FAM168A: variants seen among roughly 807,000 people sequenced by gnomAD.
FAM168A encodes the protein protein FAM168A.
In FAM168A, 3 loss-of-function variants were observed where a neutral mutation model predicts 28.5. The observed-to-expected ratio is 0.11, with a 90% confidence interval of 0.05 to 0.27. FAM168A has a LOEUF of 0.27. FAM168A is among the 10% of genes least tolerant of loss of function. The pLI is 1.00. For missense variants in FAM168A, 222 were observed against 311.5 expected, an observed-to-expected ratio of 0.71 and a Z score of 2.16; for synonymous variants, 122 against 124.2, an observed-to-expected ratio of 0.98 and a Z score of 0.12.
chr11:73,581,081 G>C (rs1448492310), intron 1 of FAM168A, among the ~76,000 whole-genome samples: 1 of 152,206 alleles, frequency 6.6e-6, no homozygotes, highest in African/African-American at 2.4e-5. Flanking sequence ...GTCAGGGTCA[G>C]CTTATGAAAA....
rs772530179 is a variant in FAM168A, at chr11:73,529,796, C to CTTTTTTTTTTTTTTTT, written c.-18-61320_-18-61305dup. Among the ~76,000 whole-genome samples the CTTTTTTTTTTTTTTTT allele has an allele frequency of 3.5e-4, 45 of 127,530 alleles. 2 individuals carry two copies. The highest frequency in any genetic ancestry group is 1.1e-3 in the African/African-American group (34 of 29,664). 83.7% of individuals were successfully genotyped at this position (127,530 alleles called of 152,430 possible). On this transcript the variant is annotated intron_variant, in intron 1 of 7. Transcript: ENST00000356467. ...TCCTTCATTCAAACAACTTTTTCTT[C>CTTTTTTTTTTTTTTTT]TTTTTTTTTTTTTTTTGGAGACGCA... is the stretch of plus-strand genomic sequence containing the variant.
chr11:73,411,883 T>A (rs79296797), intron 4 of FAM168A, among the ~76,000 whole-genome samples: 2,128 of 152,288 alleles, frequency 0.014, 33 homozygotes, highest in African/African-American at 0.041. Context: ...TGCACAGAGA[T>A]GGAAACCCTC....
chr11:73,405,509 G>C lies in FAM168A; in HGVS notation c.*1254C>G, dbSNP rs190559870. On this transcript the variant is annotated 3_prime_UTR_variant, in exon 8 of 8. Coordinates refer to ENST00000356467, the MANE Select transcript of FAM168A (RefSeq NM_015159.3). ...AATGCTAATTTACTGTAAGGTCTAG[G>C]GAAGTCCTTTCCGCTTCTCTGGGCC... 2 of 152,238 alleles carry C rather than the reference G, an allele frequency of 1.3e-5. No individual in the cohort carries two copies. Among genetic ancestry groups the C allele is most frequent in the Non-Finnish European group, 2.9e-5 (2 of 68,054 alleles). 9.4% of individuals were successfully genotyped at this position (152,238 alleles called of 1,614,324 possible). A position where few individuals can be genotyped will look rare whatever the true frequency, so the allele number is the denominator to read the frequency against.
At chr11:73,542,797 C>T (rs766077882) in intron 1 of FAM168A, among the ~76,000 whole-genome samples, 1 of 152,102 alleles carries the variant, frequency 6.6e-6, no homozygotes, top group Non-Finnish European at 1.5e-5. Flanking sequence ...TAAATTTTAG[C>T]ATCAACATTT....
At chr11:73,566,509 C>G (rs1944021362) in intron 1 of FAM168A, among the ~76,000 whole-genome samples, 1 of 152,156 alleles carries the variant, frequency 6.6e-6, no homozygotes, top group South Asian at 2.1e-4. Flanking sequence ...AATTAAGCAT[C>G]CATTTGTTGA....
At chr11:73,484,809 C>T (rs893768153) in intron 1 of FAM168A, among the ~76,000 whole-genome samples, 1 of 150,794 alleles carries the variant, frequency 6.6e-6, no homozygotes, top group South Asian at 2.1e-4. Context: ...TACAATAGGC[C>T]ATCTGCAAGC....
Position 73,462,747 on chromosome 11 carries a change from G to A in FAM168A, c.70+5658C>T, listed in dbSNP as rs1200094178. Among the ~76,000 whole-genome samples, 8 of 151,904 alleles carry A rather than the reference G, an allele frequency of 5.3e-5. No homozygotes were observed. In the East Asian group the frequency reaches 1.4e-3, roughly 26 times the overall value. ...AAAAAGTAGCCAGGCATAGTGGTAC[G>A]TGCCAGCTAAGAAGGCTGAGGCAGG... is the stretch of plus-strand genomic sequence containing the variant. On this transcript the variant is annotated intron_variant, in intron 2 of 7. Coordinates refer to ENST00000356467, the MANE Select transcript of FAM168A (RefSeq NM_015159.3).
chr11:73,591,254 C>G (rs1368853131), intron 1 of FAM168A, among the ~76,000 whole-genome samples: 1 of 152,076 alleles, frequency 6.6e-6, no homozygotes, highest in African/African-American at 2.4e-5. Context: ...TTTTTAAATA[C>G]GAGCTTTTCT....
At chr11:73,577,818 T>C (rs1329169872) in intron 1 of FAM168A, among the ~76,000 whole-genome samples, 1 of 152,058 alleles carries the variant, frequency 6.6e-6, no homozygotes, top group East Asian at 1.9e-4. Flanking sequence ...TTGCTTATTT[T>C]TGAAGAACAT....
chr11:73,541,606 G>A (rs1451642406), intron 1 of FAM168A, among the ~76,000 whole-genome samples: 5 of 151,964 alleles, frequency 3.3e-5, no homozygotes, highest in Non-Finnish European at 7.4e-5. Flanking sequence ...CTCCTGACTT[G>A]TGATCCGCCC....
At chr11:73,418,975 A>G (rs1418868510) in intron 4 of FAM168A, among the ~76,000 whole-genome samples, 1 of 151,704 alleles carries the variant, frequency 6.6e-6, no homozygotes, top group South Asian at 2.1e-4. Flanking sequence ...TGCCCGGCTA[A>G]TTTTTTTTGT....
chr11:73,553,724 G>A (rs1426095998), intron 1 of FAM168A, among the ~76,000 whole-genome samples: 1 of 152,136 alleles, frequency 6.6e-6, no homozygotes, highest in Non-Finnish European at 1.5e-5. Context: ...GCTCATGTAT[G>A]TAACCCTAGC....
intron 3 of FAM168A, among the ~76,000 whole-genome samples, chr11:73,428,162 G>T (rs1168827902): frequency 6.6e-6 from 1 of 152,098 alleles, no homozygotes; most frequent in African/African-American, 2.4e-5. Flanking sequence ...AACCAAAGAA[G>T]AGAACTGAGC....
intron 4 of FAM168A, among the ~76,000 whole-genome samples, chr11:73,414,980 AAGCTGGATTACC>A (rs1866673085): frequency 1.3e-5 from 2 of 152,206 alleles, no homozygotes; most frequent in Admixed American, 1.3e-4. Context: ...TTCCCTGGGG[AAGCTGGATTACC>A]CACTGTATGC....
At chr11:73,442,847 T>G (rs1867222865) in intron 2 of FAM168A, among the ~76,000 whole-genome samples, 1 of 146,724 alleles carries the variant, frequency 6.8e-6, no homozygotes, top group Non-Finnish European at 1.5e-5. Context: ...TCTTTTTTTT[T>G]TTTTTGAGAC....
At chr11:73,536,237 C>T (rs1262717572) in intron 1 of FAM168A, among the ~76,000 whole-genome samples, 3 of 152,172 alleles carry the variant, frequency 2.0e-5, no homozygotes, top group Non-Finnish European at 4.4e-5. Context: ...AAAGCCCCAA[C>T]ATAAAAGACA....
In FAM168A at chr11:73,511,088, T is replaced by C. The variant is rs190257539; in HGVS notation, c.-18-42596A>G. The stretch of plus-strand genomic sequence containing the variant: ...AAAGGAAAGGTACCAGTCAGGAGCC[T>C]GGAGACACAGACAACGGACAAAGCC... On this transcript the variant is annotated intron_variant, in intron 1 of 7. Transcript: ENST00000356467. 2.6e-4 allele frequency among the ~76,000 whole-genome samples: 39 copies of C among 151,710 alleles called. No homozygotes were observed. The East Asian group carries it at 7.6e-3, about 29-fold the overall frequency.
At chr11:73,459,166 C>T (rs1867594298) in intron 2 of FAM168A, among the ~76,000 whole-genome samples, 1 of 151,992 alleles carries the variant, frequency 6.6e-6, no homozygotes, top group Non-Finnish European at 1.5e-5. Context: ...TCACTGCAGC[C>T]TCAACCTCCT....
intron 2 of FAM168A, among the ~76,000 whole-genome samples, chr11:73,431,029 T>C (rs966720819): frequency 1.3e-5 from 2 of 151,966 alleles, no homozygotes; most frequent in Admixed American, 1.3e-4. Flanking sequence ...ATATTCTATA[T>C]GCTCACTATT....
Sources: allele counts gnomAD v4.1 joint callset (sites outside exome capture counted in the v4.1 genomes callset), GRCh38; gene constraint gnomAD v4.1.1; transcripts MANE v1.5; gene names NCBI Gene and HGNC (gene_info 2026-07-23, HGNC 2026-07-21).